The following DST variants were observed in gnomAD, a reference collection of about 807,000 sequenced individuals.
DST encodes the protein bullous pemphigoid antigen.
In DST, 253 loss-of-function variants were observed where a neutral mutation model predicts 875.2. The observed-to-expected ratio is 0.29, with a 90% CI of 0.26 to 0.32. The LOEUF (loss-of-function observed/expected upper bound fraction) is 0.32. Among genes scored for constraint, DST ranks in the 10% least tolerant of loss-of-function variants. The probability of loss-of-function intolerance (pLI) is 1.00; values close to 1 mark genes in which losing one functional copy is unlikely to be tolerated. For synonymous variants in DST, 3,124 were observed against 3,197.1 expected (o/e 0.98, Z 0.77); for missense variants, 8,287 against 9,111.6 (o/e 0.91, Z 3.68).
In DST at chr6:56,884,403, T is replaced by C. The variant is rs1312885716; in HGVS notation, c.417+16018A>G. Among the ~76,000 whole-genome samples the C allele has an allele frequency of 4.6e-5, 7 of 152,198 alleles. No individual in the cohort carries two copies. The East Asian group carries it at 1.3e-3, about 29-fold the overall frequency. ...TCATTTAACATATTCCTCTGTCACC[T>C]GTATTTTATGTAAATCTATAATTAG... On this transcript the variant is annotated intron_variant, in intron 3 of 103. Transcript: ENST00000680361.
chr6:56,823,201 G>C (rs2099775207), intron 4 of DST, among the ~76,000 whole-genome samples: 1 of 152,100 alleles, frequency 6.6e-6, no homozygotes, highest in Non-Finnish European at 1.5e-5. Flanking sequence ...AAGTAAGTCT[G>C]TCCGTGAATT....
chr6:56,867,341 A>G (rs1774653938), intron 3 of DST, among the ~76,000 whole-genome samples: 1 of 152,222 alleles, frequency 6.6e-6, no homozygotes, highest in Non-Finnish European at 1.5e-5. Flanking sequence ...AGAAATGCCC[A>G]CTACTGTTAA....
intron 81 of DST, 31 bp downstream of exon 81, chr6:56,497,825 A>G (rs2095973807): frequency 6.4e-7 from 1 of 1,550,626 alleles, no homozygotes; most frequent in Non-Finnish European, 8.7e-7. Context: ...TGAATGCTAT[A>G]AAAACTTTCA....
In DST at chr6:56,796,157, C is replaced by T. The variant is rs566949893; in HGVS notation, c.625+55240G>A. Reference sequence around the variant, plus strand: ...AAGTAAGACCCAAAAAGATGCAATACCTAATGTGTCTGAATGTTTGGAGAA... The same window carrying T: ...AAGTAAGACCCAAAAAGATGCAATATCTAATGTGTCTGAATGTTTGGAGAA... On this transcript the variant is annotated intron_variant, in intron 4 of 103. Transcript: ENST00000680361. 2.6e-5 allele frequency among the ~76,000 whole-genome samples: 4 copies of T among 152,268 alleles called. No individual in the cohort carries two copies. The South Asian group carries it at 8.3e-4, about 32-fold the overall frequency.
rs752869669 is a variant in DST at position 56,517,492 on chromosome 6, T to G, written c.18249+9A>C. The stretch of plus-strand genomic sequence containing the variant: ...AATTCATATGGCAATTGGAAATGTA[T>G]TTCTTCACCTTTTGAACTTGAAGCT... On this transcript the variant is annotated intron_variant, in intron 70 of 103. Coordinates refer to ENST00000680361, the MANE Select transcript of DST (RefSeq NM_001374736.1). 2 of 1,611,176 alleles carry G rather than the reference T, an allele frequency of 1.2e-6. No individual in the cohort carries two copies. Among genetic ancestry groups the G allele is most frequent in the Admixed American group, 1.7e-5 (1 of 59,586 alleles).
intron 61 of DST, chr6:56,541,174 C>T (rs1042422734): frequency 2.6e-5 from 4 of 152,618 alleles, no homozygotes; most frequent in African/African-American, 9.7e-5. Context: ...ACCGTCTATG[C>T]TCTTTCTTTT....
In DST at chr6:56,608,012, T is replaced by G. The variant is rs892338200; in HGVS notation, c.6616A>C (p.Met2206Leu). 6.2e-7 allele frequency: 1 copy of G among 1,612,828 alleles called. No homozygotes were observed. The change falls in exon 40 of 104, where the codon ATG becomes CTG. Residue 2206 changes from methionine to leucine, a missense_variant. Physicochemically the swap from Met to Leu is conservative, Grantham distance 15. Around this residue, in one of 10 missense-constraint regions of DST, gnomAD observed 3,138 missense variants for 3,116.6 expected, o/e 1.01. Transcript: ENST00000680361. The part of the protein sequence containing the change: ...ETKKLFLSYL[M>L]INSYMDANTG... ...TTTGCATCCATATAGCTATTTATCA[T>G]TAAATAAGATAGAAATAATTTTTTA...
At chr6:56,797,815 T>A (rs2099741977) in intron 4 of DST, among the ~76,000 whole-genome samples, 1 of 120,304 alleles carries the variant, frequency 8.3e-6, no homozygotes, top group Non-Finnish European at 1.7e-5. Flanking sequence ...CGAAACTCCG[T>A]CTCAAAAAAA....
intron 81 of DST, 153 bp from the exon 82 acceptor site, chr6:56,497,660 T>G (rs2095965739): frequency 2.0e-6 from 2 of 1,021,520 alleles, no homozygotes; most frequent in Non-Finnish European, 2.8e-6. Flanking sequence ...TCAGGAGAGC[T>G]CTAGTAGATA....
chr6:56,626,842 T>C (rs2098739240), intron 34 of DST, among the ~76,000 whole-genome samples: 1 of 152,068 alleles, frequency 6.6e-6, no homozygotes, highest in African/African-American at 2.4e-5. Flanking sequence ...TGAAAAGTTG[T>C]CAATGACAAC....
At chr6:56,706,610 G>A (rs2099339966) in intron 5 of DST, among the ~76,000 whole-genome samples, 1 of 152,170 alleles carries the variant, frequency 6.6e-6, no homozygotes, top group South Asian at 2.1e-4. Context: ...CAGATGCAGG[G>A]GAGGGTGGTT....
At chr6:56,524,253 G>C (rs1451970363) in intron 69 of DST, among the ~76,000 whole-genome samples, 2 of 151,026 alleles carry the variant, frequency 1.3e-5, no homozygotes, top group Non-Finnish European at 3.0e-5. Context: ...CAGGAAGACA[G>C]GTACCTACTA....
chr6:56,906,517 A>G (rs902277294), intron 2 of DST, among the ~76,000 whole-genome samples: 13 of 152,148 alleles, frequency 8.5e-5, no homozygotes, highest in African/African-American at 3.1e-4. Flanking sequence ...GGCCAAGGGA[A>G]GAGTCATTAG....
chr6:56,941,185 A>G (rs918240477), intron 2 of DST, among the ~76,000 whole-genome samples: 34 of 152,170 alleles, frequency 2.2e-4, no homozygotes, highest in Admixed American at 1.8e-3. Context: ...AGTTAAAGCT[A>G]TATGTTTCCC....
At chr6:56,742,756 G>C (rs566889222) in intron 4 of DST, among the ~76,000 whole-genome samples, 57 of 152,192 alleles carry the variant, frequency 3.7e-4, no homozygotes, top group African/African-American at 1.3e-3. Context: ...AAAAAATCCA[G>C]CCTAACTTGT....
At chr6:56,545,830 A>G (rs1207630259) in intron 61 of DST, among the ~76,000 whole-genome samples, 1 of 152,224 alleles carries the variant, frequency 6.6e-6, no homozygotes, top group East Asian at 1.9e-4. Context: ...TCTTGAAATC[A>G]GGATGAGAAG....
At chr6:56,772,119 C>T (rs1479328885) in intron 4 of DST, among the ~76,000 whole-genome samples, 6 of 152,028 alleles carry the variant, frequency 3.9e-5, no homozygotes, top group Non-Finnish European at 7.4e-5. Context: ...TGAGTAATGC[C>T]AAGAAAGCTG....
chr6:56,608,388 T>G lies in DST; in HGVS notation c.6240A>C (p.Ile2080=). The G allele has an allele frequency of 6.2e-7, 1 of 1,613,242 alleles. No homozygotes were observed. Residue 2080 remains isoleucine (I), a synonymous_variant, in exon 40 of 104, where the codon ATA becomes ATC. Transcript: ENST00000680361. ...VGLIWPHSGE[I]FPTSSSLQQE... Reference sequence around the variant, plus strand: ...GCTGCAAGGAAGATGATGTGGGAAATATTTCACCAGAATGGGGCCAAATGA... The same window carrying G: ...GCTGCAAGGAAGATGATGTGGGAAAGATTTCACCAGAATGGGGCCAAATGA...
intron 9 of DST, among the ~76,000 whole-genome samples, chr6:56,673,306 C>A (rs1267805765): frequency 6.6e-6 from 1 of 151,980 alleles, no homozygotes; most frequent in South Asian, 2.1e-4. Context: ...AAAAGTTGAG[C>A]CTCTTGGTCT....
Sources: allele counts gnomAD v4.1 joint callset (sites outside exome capture counted in the v4.1 genomes callset), GRCh38; gene constraint gnomAD v4.1.1; regional missense constraint gnomAD v4.1.1; transcripts MANE v1.5; gene names NCBI Gene and HGNC (gene_info 2026-07-23, HGNC 2026-07-21).